SLC16A10: variants seen among roughly 807,000 people sequenced by gnomAD.
SLC16A10 encodes the protein solute carrier family 16 member 10.
In SLC16A10, 27 loss-of-function variants were observed where a neutral mutation model predicts 40.0. That is an observed-to-expected ratio of 0.67 (90% confidence interval 0.50 to 0.93). The LOEUF is 0.93. Among genes scored for constraint, SLC16A10 ranks in the 40% least tolerant of loss-of-function variants. The pLI is 0.00. For missense variants in SLC16A10, 529 were observed against 658.2 expected (o/e 0.80, Z 2.15); for synonymous variants, 213 against 249.8 (o/e 0.85, Z 1.39).
rs112355106 is a variant in SLC16A10, at chr6:111,167,984, C to CTT, written c.344-4699_344-4698dup. 9.1e-3 allele frequency among the ~76,000 whole-genome samples: 1,311 copies of CTT among 143,540 alleles called. 16 individuals are homozygous for CTT. Among genetic ancestry groups the CTT allele is most frequent in the African/African-American group, 0.031 (1,207 of 39,502 alleles). 94.2% of individuals were successfully genotyped at this position (143,540 alleles called of 152,430 possible). On this transcript the variant is annotated intron_variant, in intron 1 of 5. Transcript: ENST00000368851. The stretch of plus-strand genomic sequence containing the variant: ...GCCACTGTTCCTGGTCTAGTTTGCA[C>CTT]TTTTTTTTTTTTTGAAACAGAGTCT...
intron 4 of SLC16A10, 126 bp from the exon 5 acceptor site, chr6:111,218,688 G>A: frequency 1.4e-6 from 1 of 727,968 alleles, no homozygotes; most frequent in Non-Finnish European, 2.4e-6. Context: ...TAAAATCAAA[G>A]TGAATGAGGC....
intron 1 of SLC16A10, among the ~76,000 whole-genome samples, chr6:111,162,514 A>G (rs1185710521): frequency 1.3e-5 from 2 of 152,204 alleles, no homozygotes; most frequent in Admixed American, 6.5e-5. Flanking sequence ...CTGCAAGTCA[A>G]ACTTGATTTC....
rs146600906 is a variant in SLC16A10 at position 111,099,034 on chromosome 6, G to A, written c.343+10939G>A. On this transcript the variant is annotated intron_variant, in intron 1 of 5. Transcript: ENST00000368851. ...TGGAATAGGCTTAAACTGAAAAAAG[G>A]ATCTGATTTTTAATAAGATCAGATT... Among the ~76,000 whole-genome samples the A allele has an allele frequency of 1.3e-3, 201 of 152,288 alleles. 1 individual carries two copies. The highest frequency in any genetic ancestry group is 4.4e-3 in the African/African-American group (184 of 41,558).
At chr6:111,221,976 C>T (rs749328838) in intron 5 of SLC16A10, 27 bp from the exon 6 acceptor site, 7 of 1,589,466 alleles carry the variant, frequency 4.4e-6, no homozygotes, top group African/African-American at 1.4e-5. Context: ...CTTGTTCTCC[C>T]TTGGTGACAG....
At chr6:111,088,172 G>C in intron 1 of SLC16A10, 77 bp downstream of exon 1, 2 of 1,441,418 alleles carry the variant, frequency 1.4e-6, no homozygotes, top group South Asian at 2.5e-5. Context: ...TGTGGGCTGT[G>C]TCTGCCTCCG....
rs946117813 is a variant in SLC16A10, at chr6:111,157,211, G to A, written c.344-15484G>A. 9.2e-5 allele frequency among the ~76,000 whole-genome samples: 14 copies of A among 152,204 alleles called. No individual in the cohort carries two copies. The East Asian group carries it at 1.5e-3, about 17-fold the overall frequency. On this transcript the variant is annotated intron_variant, in intron 1 of 5. Coordinates refer to ENST00000368851, the MANE Select transcript of SLC16A10 (RefSeq NM_018593.5). ...TGAGATTACAGGCGTGAGCCACCGC[G>A]CCCAGACAAAAGTTTATTTTTTAAA...
chr6:111,188,864 A>T (rs1370974201), intron 3 of SLC16A10, among the ~76,000 whole-genome samples: 1 of 152,208 alleles, frequency 6.6e-6, no homozygotes, highest in East Asian at 1.9e-4. Context: ...AGCAGTGCTA[A>T]TAGTGGTTCT....
In SLC16A10 at chr6:111,228,450, A is replaced by G. The variant is rs2114602425; in HGVS notation, c.*6215A>G. 6.6e-6 allele frequency: 1 copy of G among 152,348 alleles called. No homozygotes were observed. The highest frequency in any genetic ancestry group is 1.5e-5 in the Non-Finnish European group (1 of 68,036). 9.4% of individuals were successfully genotyped at this position (152,348 alleles called of 1,614,324 possible). ...TCAATATGAGTGCTATAAAAAGAGTATTTTGGAGTTCAATGTCCCTAAACA... is the reference window on the plus strand; with the variant it reads ...TCAATATGAGTGCTATAAAAAGAGTGTTTTGGAGTTCAATGTCCCTAAACA... On this transcript the variant is annotated 3_prime_UTR_variant, in exon 6 of 6. Transcript: ENST00000368851.
At chr6:111,089,870 A>C (rs1057333219) in intron 1 of SLC16A10, among the ~76,000 whole-genome samples, 13 of 145,194 alleles carry the variant, frequency 9.0e-5, no homozygotes, top group African/African-American at 3.3e-4. Context: ...TTGTTTTTGC[A>C]AATTCAGTTA....
intron 3 of SLC16A10, among the ~76,000 whole-genome samples, chr6:111,184,218 T>A (rs1772854072): frequency 6.6e-6 from 1 of 152,242 alleles, no homozygotes; most frequent in Non-Finnish European, 1.5e-5. Flanking sequence ...TTTCAGTTTT[T>A]AAATTTTAGA....
chr6:111,144,248 G>A (rs1437772300), intron 1 of SLC16A10, among the ~76,000 whole-genome samples: 2 of 152,116 alleles, frequency 1.3e-5, no homozygotes, highest in African/African-American at 4.8e-5. Context: ...CTGTCCCCCA[G>A]GCTGGAGTGC....
At chr6:111,131,880 G>A (rs1771789200) in intron 1 of SLC16A10, among the ~76,000 whole-genome samples, 1 of 152,132 alleles carries the variant, frequency 6.6e-6, no homozygotes, top group African/African-American at 2.4e-5. Context: ...TATACCTCTT[G>A]GTCCTGACCA....
At chr6:111,216,244 T>C (rs1301557311) in intron 4 of SLC16A10, among the ~76,000 whole-genome samples, 4 of 152,132 alleles carry the variant, frequency 2.6e-5, no homozygotes, top group Non-Finnish European at 5.9e-5. Flanking sequence ...CAACAATTAC[T>C]CACCACTAAG....
intron 1 of SLC16A10, among the ~76,000 whole-genome samples, chr6:111,146,664 C>T (rs990467372): frequency 5.3e-5 from 8 of 151,730 alleles, no homozygotes; most frequent in Admixed American, 5.3e-4. Flanking sequence ...GTGAACCCGG[C>T]AGGCGGGGCT....
chr6:111,215,204 C>A (rs556012531), intron 4 of SLC16A10, among the ~76,000 whole-genome samples: 2 of 151,926 alleles, frequency 1.3e-5, no homozygotes, highest in South Asian at 2.1e-4. Context: ...ATAATTTTTA[C>A]AAAACTGACC....
chr6:111,159,818 T>G (rs1772338545), intron 1 of SLC16A10, among the ~76,000 whole-genome samples: 1 of 152,224 alleles, frequency 6.6e-6, no homozygotes, highest in Admixed American at 6.5e-5. Context: ...TTGGTATGAT[T>G]AGTCATTTTT....
rs1301542903 is a variant in SLC16A10, at chr6:111,087,945, C to T, written c.193C>T (p.Pro65Ser). Reference protein sequence around the residue: ...TAEPHEPPEPPEGGWGWLVML... With the variant: ...TAEPHEPPEPSEGGWGWLVML... ...GGAGCCCCATGAGCCCCCCGAACCCCCCGAGGGCGGCTGGGGCTGGCTGGT... is the reference window on the plus strand; with the variant it reads ...GGAGCCCCATGAGCCCCCCGAACCCTCCGAGGGCGGCTGGGGCTGGCTGGT... The change falls in exon 1 of 6, where the codon CCC becomes TCC. Residue 65 changes from proline (P) to serine (S), a missense_variant. Coordinates refer to ENST00000368851, the MANE Select transcript of SLC16A10 (RefSeq NM_018593.5). The T allele has an allele frequency of 1.2e-6, 2 of 1,610,012 alleles. No homozygotes were observed. Among genetic ancestry groups the T allele is most frequent in the South Asian group, 1.1e-5 (1 of 90,498 alleles).
At chr6:111,161,774 A>G (rs953012797) in intron 1 of SLC16A10, among the ~76,000 whole-genome samples, 1 of 152,208 alleles carries the variant, frequency 6.6e-6, no homozygotes, top group African/African-American at 2.4e-5. Context: ...ACAGGTGGCT[A>G]TAGTTATGCC....
chr6:111,107,181 T>C (rs1771299663), intron 1 of SLC16A10, among the ~76,000 whole-genome samples: 1 of 152,168 alleles, frequency 6.6e-6, no homozygotes. Context: ...GAAAAAAAAC[T>C]GTGCATGGAT....
Sources: allele counts gnomAD v4.1 joint callset (sites outside exome capture counted in the v4.1 genomes callset), GRCh38; gene constraint gnomAD v4.1.1; transcripts MANE v1.5; gene names NCBI Gene and HGNC (gene_info 2026-07-23, HGNC 2026-07-21).